GPC1: variants seen among roughly 807,000 people sequenced by gnomAD.
The protein encoded by GPC1 is glypican 1.
A neutral mutation model predicts 51.5 loss-of-function variants in GPC1; 26 were observed. The observed-to-expected ratio is 0.50, with a 90% CI of 0.37 to 0.70. The LOEUF (loss-of-function observed/expected upper bound fraction) is 0.70, where lower values mean the gene tolerates loss of function less well. GPC1 is among the 30% of genes least tolerant of loss of function. The pLI is 0.00. For synonymous variants in GPC1, 380 were observed against 348.3 expected (o/e 1.09, Z -1.01); for missense variants, 775 against 800.5 (o/e 0.97, Z 0.38).
At chr2:240,458,402 C>T (rs1251142486) in intron 1 of GPC1, 1 of 227,492 alleles carries the variant, frequency 4.4e-6, no homozygotes, top group Non-Finnish European at 9.3e-6. Context: ...CACAAGGACA[C>T]CAGGAGGCAC....
At position 240,466,608 on chromosome 2, in the gene GPC1, G is replaced by A. The variant is rs957317391; in HGVS notation, c.*318G>A. 4.2e-5 allele frequency: 14 copies of A among 331,926 alleles called. No homozygotes were observed. Among genetic ancestry groups the A allele is most frequent in the East Asian group, 1.6e-4 (3 of 18,866 alleles). 20.6% of individuals were successfully genotyped at this position (331,926 alleles called of 1,614,324 possible). ...TGCACCGCCGCAGAAGCAGCCCCTC[G>A]AGGCCTACAGAGGAGGCCTCAAAGC... is the stretch of plus-strand genomic sequence containing the variant. On this transcript the variant is annotated 3_prime_UTR_variant, in exon 9 of 9. Coordinates refer to ENST00000264039, the MANE Select transcript of GPC1 (RefSeq NM_002081.3).
intron 1 of GPC1, among the ~76,000 whole-genome samples, chr2:240,445,786 G>A (rs751314156): frequency 1.3e-5 from 2 of 152,162 alleles, no homozygotes; most frequent in East Asian, 1.9e-4. Flanking sequence ...AGTAGACGTC[G>A]CCGCTGTTTA....
Position 240,440,486 on chromosome 2 carries a change from C to T in GPC1, c.166+4402C>T, listed in dbSNP as rs533253081. On this transcript the variant is annotated intron_variant, in intron 1 of 8. Transcript: ENST00000264039. ...GCTTTTCCCAGCCCGCTCTCCTGTC[C>T]TGGGCCTGGGCTCCATCTCTTAGGC... 1.7e-3 allele frequency among the ~76,000 whole-genome samples: 252 copies of T among 152,348 alleles called. 1 individual carries two copies. Among genetic ancestry groups the T allele is most frequent in the Non-Finnish European group, 2.8e-3 (191 of 68,034 alleles).
intron 2 of GPC1, among the ~76,000 whole-genome samples, chr2:240,459,707 C>T (rs1371265403): frequency 2.6e-5 from 4 of 152,102 alleles, no homozygotes; most frequent in African/African-American, 7.2e-5. Context: ...GTCTGGGGGC[C>T]GCGGGGAGTG....
intron 4 of GPC1, chr2:240,464,405 A>C (rs1212077599): frequency 1.7e-6 from 1 of 581,280 alleles, no homozygotes; most frequent in Non-Finnish European, 3.1e-6. Context: ...TGCCCGTGGC[A>C]CAGGTGCACA....
chr2:240,462,929 G>C (rs1243491576), intron 3 of GPC1, among the ~76,000 whole-genome samples: 2 of 152,160 alleles, frequency 1.3e-5, no homozygotes, highest in Non-Finnish European at 2.9e-5. Context: ...ATGCGTGGGG[G>C]CCGGGCAGGG....
chr2:240,462,124 C>T, intron 2 of GPC1, 67 bp from the exon 3 acceptor site: 2 of 1,439,158 alleles, frequency 1.4e-6, no homozygotes, highest in Non-Finnish European at 1.9e-6. Flanking sequence ...GGCTGAGTCC[C>T]CTGCTCTGGT....
rs2151795248 is a variant in GPC1, at chr2:240,459,011, C to T, written c.167-19C>T. On this transcript the variant is annotated intron_variant, in intron 1 of 8. Coordinates refer to ENST00000264039, the MANE Select transcript of GPC1 (RefSeq NM_002081.3). ...GTGCTGTCCCAGCCCCTCTCCCTCA[C>T]ACTGGCCTTTCCCCACAGGTGAGCA... is the stretch of plus-strand genomic sequence containing the variant. The T allele has an allele frequency of 6.2e-7, 1 of 1,610,818 alleles. No homozygotes were observed. Among genetic ancestry groups the T allele is most frequent in the Non-Finnish European group, 8.5e-7 (1 of 1,178,476 alleles).
intron 1 of GPC1, among the ~76,000 whole-genome samples, chr2:240,444,855 T>C (rs1433603595): frequency 6.6e-6 from 1 of 152,136 alleles, no homozygotes; most frequent in Non-Finnish European, 1.5e-5. Flanking sequence ...TCCAAGTGTC[T>C]CCTCAAGAAC....
chr2:240,458,642 C>A (rs770989353), intron 1 of GPC1: 15 of 195,334 alleles, frequency 7.7e-5, no homozygotes, highest in Non-Finnish European at 1.6e-4. Context: ...CCTCCTTCCC[C>A]ATCCTCAGAC....
At position 240,466,117 on chromosome 2, in the gene GPC1, A is replaced by C. The variant is rs778740979; in HGVS notation, c.1504A>C (p.Lys502Gln). Residue 502 changes from lysine to glutamine, a missense_variant, in exon 9 of 9, where the codon AAG (lysine) becomes CAG (glutamine). Transcript: ENST00000264039. ...CTGTCTGGATGACCTCTGCAGCCGG[A>C]AGGTCAGCAGGAAGAGCTCCAGCTC... ...DGCLDDLCSR[K>Q]VSRKSSSSRT... is the part of the protein sequence containing the mutation. 6.2e-7 allele frequency: 1 copy of C among 1,612,806 alleles called. No individual in the cohort carries two copies. Among genetic ancestry groups the C allele is most frequent in the Admixed American group, 1.7e-5 (1 of 60,008 alleles).
At position 240,467,732 on chromosome 2, in the gene GPC1, C is replaced by T. The variant is rs1190906676; in HGVS notation, c.*1442C>T. On this transcript the variant is annotated 3_prime_UTR_variant, in exon 9 of 9. Coordinates refer to ENST00000264039, the MANE Select transcript of GPC1 (RefSeq NM_002081.3). ...CCGGTTGCTGGTCAGGTCCCCATGG[C>T]TTGTTCTCTGGAACCTGACTTTAGA... 1 of 152,294 alleles carries T rather than the reference C, an allele frequency of 6.6e-6. No homozygotes were observed. The highest frequency in any genetic ancestry group is 1.9e-4 in the East Asian group (1 of 5,196). The allele number at this position is 152,294 out of a possible 1,614,324, so 9.4% of individuals were successfully genotyped here.
chr2:240,465,072 C>T lies in GPC1; in HGVS notation c.1135-5C>T, dbSNP rs1427097191. Reference sequence around the variant, plus strand: ...CAGCCCAGTGGCCTGACTGCTGCCCCACAGGTCTCCGAAGCCAAGGCCCAG... The same window carrying T: ...CAGCCCAGTGGCCTGACTGCTGCCCTACAGGTCTCCGAAGCCAAGGCCCAG... On this transcript the variant is annotated splice_polypyrimidine_tract_variant and splice_region_variant and intron_variant, in intron 6 of 8. Transcript: ENST00000264039. 1.2e-6 allele frequency: 2 copies of T among 1,601,172 alleles called. No homozygotes were observed. Among genetic ancestry groups the T allele is most frequent in the Non-Finnish European group, 8.5e-7 (1 of 1,174,924 alleles).
chr2:240,453,013 C>T (rs758065280), intron 1 of GPC1: 1 of 352,488 alleles, frequency 2.8e-6, no homozygotes, highest in Middle Eastern at 8.8e-4. Flanking sequence ...GGAGCCGCCG[C>T]TGCGAAGGGG....
chr2:240,438,105 C>T (rs1262197873), intron 1 of GPC1, among the ~76,000 whole-genome samples: 1 of 152,190 alleles, frequency 6.6e-6, no homozygotes, highest in African/African-American at 2.4e-5. Context: ...GAACGCCCTG[C>T]AGCTGTCTAA....
At chr2:240,444,502 G>A (rs938234178) in intron 1 of GPC1, among the ~76,000 whole-genome samples, 2 of 152,180 alleles carry the variant, frequency 1.3e-5, no homozygotes, top group Admixed American at 6.5e-5. Flanking sequence ...AGAACAGCAC[G>A]TCTCCCTCCT....
rs1427553060 is a variant in GPC1 at position 240,448,987 on chromosome 2, AAGG to A, written c.167-10040_167-10038del. On this transcript the variant is annotated intron_variant, in intron 1 of 8. Coordinates refer to ENST00000264039, the MANE Select transcript of GPC1 (RefSeq NM_002081.3). The surrounding 1 kb of genome is among the most constrained non-coding windows in gnomAD (Gnocchi z 4.5). ...GACAGGGGGACACTCAGGCCAGTGG[AAGG>A]AGATCTGCCTTAGGGAGAAGTCTGA... is the stretch of plus-strand genomic sequence containing the variant. 8.6e-5 allele frequency among the ~76,000 whole-genome samples: 13 copies of A among 151,972 alleles called. No homozygotes were observed. The highest frequency in any genetic ancestry group is 1.7e-4 in the African/African-American group (7 of 41,376).
chr2:240,463,732 G>A, intron 4 of GPC1: 1 of 572,072 alleles, frequency 1.7e-6, no homozygotes, highest in South Asian at 2.2e-5. Context: ...GCCAGGGAGG[G>A]AGCCCTGTGG....
intron 2 of GPC1, among the ~76,000 whole-genome samples, chr2:240,459,708 G>C (rs1165543478): frequency 6.6e-6 from 1 of 152,254 alleles, no homozygotes; most frequent in South Asian, 2.1e-4. Context: ...TCTGGGGGCC[G>C]CGGGGAGTGA....
Sources: allele counts gnomAD v4.1 joint callset (sites outside exome capture counted in the v4.1 genomes callset), GRCh38; gene constraint gnomAD v4.1.1; non-coding constraint Gnocchi (gnomAD v3.1); transcripts MANE v1.5; gene names NCBI Gene and HGNC (gene_info 2026-07-23, HGNC 2026-07-21).